PHAF1: variants seen among roughly 807,000 people sequenced by gnomAD.
PHAF1 encodes phagophore assembly factor 1.
A neutral mutation model predicts 63.1 loss-of-function variants in PHAF1; 23 were observed. The ratio of observed to expected loss-of-function variants is 0.36; its 90% confidence interval spans 0.26 to 0.52. The LOEUF is 0.52. PHAF1 is among the 20% of genes least tolerant of loss of function. The pLI is 0.93. For synonymous variants in PHAF1, 167 were observed against 185.0 expected, an observed-to-expected ratio of 0.90 and a Z score of 0.79; for missense variants, 427 against 517.2, an observed-to-expected ratio of 0.83 and a Z score of 1.69.
At position 67,144,340 on chromosome 16, in the gene PHAF1, T is replaced by G; in HGVS notation, c.926T>G (p.Leu309Arg). ...ANTHKVKKFVLHTNYPGHYNF... is the reference protein window; with the variant it reads ...ANTHKVKKFVRHTNYPGHYNF... The stretch of plus-strand genomic sequence containing the variant: ...ACACACAAAGTGAAGAAGTTTGTTC[T>G]ACACACCAATTACCCTGGGCATTAT... The change falls in exon 11 of 16, where the codon CTA (leucine) becomes CGA (arginine). Residue 309 changes from leucine to arginine, a missense_variant. Leu to Arg is a moderately radical substitution (Grantham distance 102, BLOSUM62 -2). Coordinates refer to ENST00000219139, the MANE Select transcript of PHAF1 (RefSeq NM_025187.5). 6.2e-7 allele frequency: 1 copy of G among 1,612,010 alleles called. No individual in the cohort carries two copies. Among genetic ancestry groups the G allele is most frequent in the Non-Finnish European group, 8.5e-7 (1 of 1,178,016 alleles).
chr16:67,144,712 C>T (rs1212046154), intron 11 of PHAF1, 122 bp from the exon 12 acceptor site: 2 of 1,165,214 alleles, frequency 1.7e-6, no homozygotes, highest in African/African-American at 3.1e-5. Flanking sequence ...CTGTCAGGCA[C>T]TCAGAGCCAG....
intron 15 of PHAF1, among the ~76,000 whole-genome samples, chr16:67,146,653 G>A (rs1434018932): frequency 6.6e-6 from 1 of 152,218 alleles, no homozygotes; most frequent in Non-Finnish European, 1.5e-5. Context: ...GGGAACCACA[G>A]GGCAAGTGGG....
chr16:67,126,088 C>G, intron 3 of PHAF1, 46 bp downstream of exon 3: 1 of 1,393,454 alleles, frequency 7.2e-7, no homozygotes, highest in Non-Finnish European at 1.0e-6. Context: ...CTGGGCCAGT[C>G]TTTCTGGAGC....
chr16:67,125,135 T>C (rs929895670), intron 2 of PHAF1, among the ~76,000 whole-genome samples: 5 of 152,278 alleles, frequency 3.3e-5, no homozygotes, highest in African/African-American at 9.6e-5. Flanking sequence ...TCTGACCTAC[T>C]ATCTCTGTCC....
chr16:67,129,031 T>A (rs1340632308), intron 3 of PHAF1, among the ~76,000 whole-genome samples: 1 of 152,168 alleles, frequency 6.6e-6, no homozygotes, highest in African/African-American at 2.4e-5. Flanking sequence ...TGAGTGCCTG[T>A]GCCTGCTATG....
intron 2 of PHAF1, among the ~76,000 whole-genome samples, chr16:67,122,121 A>G (rs980209939): frequency 3.3e-5 from 5 of 151,612 alleles, no homozygotes; most frequent in Non-Finnish European, 7.4e-5. Context: ...GCTGGTCTCA[A>G]ACTCCTGGAC....
chr16:67,133,425 C>T (rs773740379), intron 6 of PHAF1, among the ~76,000 whole-genome samples: 11 of 147,926 alleles, frequency 7.4e-5, no homozygotes, highest in Non-Finnish European at 1.5e-4. Flanking sequence ...GAGGCCAAGG[C>T]GGGCGGATGA....
chr16:67,140,161 A>G (rs1359792323), intron 9 of PHAF1, 44 bp downstream of exon 9: 1 of 1,591,288 alleles, frequency 6.3e-7, no homozygotes, highest in Non-Finnish European at 8.6e-7. Context: ...TTTAATCAAC[A>G]CTAATTTAAT....
intron 14 of PHAF1, 149 bp downstream of exon 14, chr16:67,145,777 TA>T: frequency 4.9e-6 from 4 of 808,832 alleles, no homozygotes; most frequent in Non-Finnish European, 7.6e-6. Context: ...CTCTGCACAT[TA>T]GGACTGAGTC....
At chr16:67,137,818 C>G (rs545810655) in intron 8 of PHAF1, among the ~76,000 whole-genome samples, 12 of 152,112 alleles carry the variant, frequency 7.9e-5, no homozygotes, top group Non-Finnish European at 1.5e-4. Flanking sequence ...CAGCACATTC[C>G]CAGCAGTCAC....
At chr16:67,113,473 G>C (rs1427782164) in intron 1 of PHAF1, among the ~76,000 whole-genome samples, 1 of 143,196 alleles carries the variant, frequency 7.0e-6, no homozygotes, top group African/African-American at 2.6e-5. Flanking sequence ...TTTTTGAGAC[G>C]GTGTCTCACT....
At chr16:67,115,762 G>A (rs940051716) in intron 1 of PHAF1, among the ~76,000 whole-genome samples, 6 of 152,076 alleles carry the variant, frequency 3.9e-5, no homozygotes, top group Non-Finnish European at 7.4e-5. Flanking sequence ...TGGCTGCTTC[G>A]TCTCCTCTGG....
intron 8 of PHAF1, among the ~76,000 whole-genome samples, chr16:67,137,166 AAAAG>A (rs1388930254): frequency 1.3e-5 from 2 of 152,214 alleles, no homozygotes; most frequent in Admixed American, 6.5e-5. Context: ...AAAAAAAAAA[AAAAG>A]AATCTGGTAT....
rs1211894030 is a variant in PHAF1, at chr16:67,110,063, C to A, written c.-113C>A. ...CTGCCGCCGGGGAGGAGGTGGAAAG[C>A]GGGGCTGTGGCGGGCCGGCGGGGGC... is the stretch of plus-strand genomic sequence containing the variant. On this transcript the variant is annotated 5_prime_UTR_variant, in exon 1 of 16. Transcript: ENST00000219139. 2.6e-6 allele frequency: 3 copies of A among 1,142,532 alleles called. No homozygotes were observed. The highest frequency in any genetic ancestry group is 1.6e-5 in the African/African-American group (1 of 64,390). The allele number at this position is 1,142,532 out of a possible 1,614,324, so 70.8% of individuals were successfully genotyped here.
intron 1 of PHAF1, among the ~76,000 whole-genome samples, chr16:67,114,356 A>T (rs76421186): frequency 0.045 from 6,756 of 151,224 alleles, 483 homozygotes; most frequent in African/African-American, 0.15. Context: ...ATAAAAATTT[A>T]AAAAAAAAGA....
chr16:67,147,112 G>A lies in PHAF1; in HGVS notation c.1250G>A (p.Arg417Lys). Residue 417 changes from arginine to lysine, a missense_variant, in exon 16 of 16, where the codon AGA (arginine) becomes AAA (lysine). Coordinates refer to ENST00000219139, the MANE Select transcript of PHAF1 (RefSeq NM_025187.5). ...YGPPRPGSHL[R>K]TAELP The stretch of plus-strand genomic sequence containing the variant: ...CCCCCCAGGCCTGGTAGCCACCTGA[G>A]AACAGCGGAACTCCCCTAGGGACAC... 1 of 1,613,320 alleles carries A rather than the reference G, an allele frequency of 6.2e-7. No individual in the cohort carries two copies. The highest frequency in any genetic ancestry group is 8.5e-7 in the Non-Finnish European group (1 of 1,179,316).
At chr16:67,126,548 C>T (rs968700154) in intron 3 of PHAF1, among the ~76,000 whole-genome samples, 1 of 150,840 alleles carries the variant, frequency 6.6e-6, no homozygotes, top group East Asian at 1.9e-4. Flanking sequence ...GTGCAATTTG[C>T]TAACACCTGT....
At chr16:67,139,406 T>C (rs964485526) in intron 8 of PHAF1, among the ~76,000 whole-genome samples, 5 of 139,092 alleles carry the variant, frequency 3.6e-5, no homozygotes, top group African/African-American at 1.4e-4. Flanking sequence ...TAGAGTGCAG[T>C]GGTGTGATCT....
chr16:67,134,397 T>C lies in PHAF1; in HGVS notation c.591T>C (p.Tyr197=). 1.9e-6 allele frequency: 3 copies of C among 1,614,182 alleles called. No homozygotes were observed. The highest frequency in any genetic ancestry group is 2.5e-6 in the Non-Finnish European group (3 of 1,180,024). ...TGAGCTGTTTCCTGGGCAATGTCTA[T>C]GCTGAGAGTGTAGATGTTCTTCGAG... ...MPLSCFLGNV[Y]AESVDVLRDG... Residue 197 remains tyrosine, a synonymous_variant, in exon 8 of 16, where the codon TAT becomes TAC. Coordinates refer to ENST00000219139, the MANE Select transcript of PHAF1 (RefSeq NM_025187.5).
Sources: gnomAD v4.1 joint callset for allele counts (sites outside exome capture counted in the v4.1 genomes callset) on GRCh38, gnomAD v4.1.1 for gene constraint, MANE v1.5 for transcripts, NCBI Gene and HGNC (gene_info 2026-07-23, HGNC 2026-07-21) for gene names.